The following KCNIP4 variants were observed in gnomAD, a reference collection of about 807,000 sequenced individuals.
KCNIP4 encodes the protein potassium voltage-gated channel interacting protein 4.
KCNIP4 carries 12 observed loss-of-function variants against 34.0 expected under a neutral mutation model. The ratio of observed to expected loss-of-function variants is 0.35; its 90% CI spans 0.23 to 0.57. The LOEUF (loss-of-function observed/expected upper bound fraction) is 0.57, where lower values mean the gene tolerates loss of function less well. Ranked by LOEUF, KCNIP4 falls within the 20% of genes least tolerant of loss-of-function variation. The pLI is 0.83. For synonymous variants in KCNIP4, 124 were observed against 102.2 expected, an observed-to-expected ratio of 1.21 and a Z score of -1.29; for missense variants, 238 against 311.7, an observed-to-expected ratio of 0.76 and a Z score of 1.78.
chr4:20,848,022 C>T (rs1479526311), intron 3 of KCNIP4, among the ~76,000 whole-genome samples: 1 of 152,008 alleles, frequency 6.6e-6, no homozygotes, highest in East Asian at 1.9e-4. Context: ...GTGCTGCTGA[C>T]CTGCTTAGTG....
At chr4:21,072,947 G>A (rs1745108037) in intron 1 of KCNIP4, among the ~76,000 whole-genome samples, 1 of 152,176 alleles carries the variant, frequency 6.6e-6, no homozygotes, top group South Asian at 2.1e-4. Context: ...TCAAAGATCA[G>A]ATGGTTGTAG....
intron 1 of KCNIP4, among the ~76,000 whole-genome samples, chr4:21,274,876 ATTTG>A (rs1560241652): frequency 5.8e-4 from 48 of 82,930 alleles, no homozygotes; most frequent in African/African-American, 1.9e-3. Context: ...AAGATTGTTA[ATTTG>A]ATTTTTTTTC....
chr4:21,026,794 G>T (rs1026947620), intron 1 of KCNIP4, among the ~76,000 whole-genome samples: 1 of 152,152 alleles, frequency 6.6e-6, no homozygotes, highest in Admixed American at 6.5e-5. Flanking sequence ...GTGAAAACTG[G>T]GTAAAGGCAG....
At chr4:21,910,881 C>T (rs932607709) in intron 1 of KCNIP4, among the ~76,000 whole-genome samples, 3 of 152,014 alleles carry the variant, frequency 2.0e-5, no homozygotes, top group African/African-American at 7.2e-5. Context: ...TTTAAGGGGC[C>T]GAGGCCATTC....
intron 1 of KCNIP4, among the ~76,000 whole-genome samples, chr4:21,421,132 ATAGC>A (rs1368896865): frequency 2.6e-5 from 4 of 152,210 alleles, no homozygotes; most frequent in Non-Finnish European, 4.4e-5. Flanking sequence ...AAGAGAAAAG[ATAGC>A]TAGTGTTGGT....
intron 1 of KCNIP4, among the ~76,000 whole-genome samples, chr4:21,685,936 C>T (rs1379573893): frequency 6.6e-6 from 1 of 152,154 alleles, no homozygotes; most frequent in Non-Finnish European, 1.5e-5. Context: ...TATAGTTTCC[C>T]TTGGGGGAAT....
intron 1 of KCNIP4, among the ~76,000 whole-genome samples, chr4:21,349,871 A>G (rs1325632713): frequency 6.6e-6 from 1 of 152,168 alleles, no homozygotes. Flanking sequence ...TCTCAGGGAC[A>G]TTAACTTTGA....
intron 1 of KCNIP4, among the ~76,000 whole-genome samples, chr4:21,327,535 G>GTCT (rs1715208180): frequency 6.6e-6 from 1 of 151,952 alleles, no homozygotes; most frequent in South Asian, 2.1e-4. Context: ...TGTTATTTGA[G>GTCT]GTAATTCTGC....
At chr4:21,645,610 C>A (rs1746954086) in intron 1 of KCNIP4, among the ~76,000 whole-genome samples, 1 of 152,134 alleles carries the variant, frequency 6.6e-6, no homozygotes, top group Non-Finnish European at 1.5e-5. Context: ...ACTATTCTGT[C>A]TAGGCTCTTG....
At chr4:21,437,437 C>G (rs1378412906) in intron 1 of KCNIP4, among the ~76,000 whole-genome samples, 1 of 152,132 alleles carries the variant, frequency 6.6e-6, no homozygotes, top group Non-Finnish European at 1.5e-5. Flanking sequence ...ACTAATGGAG[C>G]CTTGAACTCG....
intron 1 of KCNIP4, among the ~76,000 whole-genome samples, chr4:21,288,162 G>A (rs913872588): frequency 2.0e-5 from 3 of 152,148 alleles, no homozygotes; most frequent in African/African-American, 7.2e-5. Flanking sequence ...TGCTACCAGA[G>A]ACACATGCAC....
At chr4:21,757,262 GA>G (rs368671614) in intron 1 of KCNIP4, among the ~76,000 whole-genome samples, 2 of 29,094 alleles carry the variant, frequency 6.9e-5, no homozygotes, top group East Asian at 4.4e-4. Context: ...GAAAAGAAAA[GA>G]AAAGAAAAGA....
At chr4:20,887,598 A>G (rs1725451579) in intron 1 of KCNIP4, among the ~76,000 whole-genome samples, 1 of 152,116 alleles carries the variant, frequency 6.6e-6, no homozygotes, top group South Asian at 2.1e-4. Flanking sequence ...GAGAATCCTT[A>G]AAGTTCTCAG....
At chr4:21,270,987 A>C (rs754127833) in intron 1 of KCNIP4, among the ~76,000 whole-genome samples, 2,151 of 126,612 alleles carry the variant, frequency 0.017, 27 homozygotes, top group Non-Finnish European at 0.024. Context: ...CCCTGTCCCC[A>C]AAAAAAAAAA....
intron 1 of KCNIP4, among the ~76,000 whole-genome samples, chr4:21,306,796 G>C (rs1337469109): frequency 6.6e-6 from 1 of 151,978 alleles, no homozygotes; most frequent in Non-Finnish European, 1.5e-5. Flanking sequence ...ATGACCTGGG[G>C]CTGAGAAACA....
intron 1 of KCNIP4, among the ~76,000 whole-genome samples, chr4:20,998,537 T>G (rs1737778340): frequency 6.6e-6 from 1 of 152,236 alleles, no homozygotes; most frequent in African/African-American, 2.4e-5. Flanking sequence ...TGCTTTTACA[T>G]TATTTTGACA....
chr4:21,267,308 T>C (rs1342520895), intron 1 of KCNIP4, among the ~76,000 whole-genome samples: 1 of 151,788 alleles, frequency 6.6e-6, no homozygotes, highest in African/African-American at 2.4e-5. Context: ...AATAATACCA[T>C]GGTGTTATGT....
At chr4:21,607,634 G>A (rs1463072344) in intron 1 of KCNIP4, among the ~76,000 whole-genome samples, 2 of 151,856 alleles carry the variant, frequency 1.3e-5, no homozygotes, top group East Asian at 4.0e-4. Context: ...TGCATGGGGA[G>A]AGCTTCTCAC....
At chr4:21,334,286 G>A (rs897291094) in intron 1 of KCNIP4, among the ~76,000 whole-genome samples, 11 of 151,960 alleles carry the variant, frequency 7.2e-5, no homozygotes, top group Admixed American at 6.6e-4. Context: ...ATAAAAGGGT[G>A]AAATGATTAA....
Sources: allele counts gnomAD v4.1 joint callset (sites outside exome capture counted in the v4.1 genomes callset), GRCh38; gene constraint gnomAD v4.1.1; transcripts MANE v1.5; gene names NCBI Gene and HGNC (gene_info 2026-07-23, HGNC 2026-07-21).